The following BBS9 variants were observed in gnomAD, a reference collection of about 807,000 sequenced individuals.
BBS9 encodes Bardet-Biedl syndrome 9, also known as protein PTHB1.
In BBS9, 89 loss-of-function variants were observed where a neutral mutation model predicts 117.7. That is an observed-to-expected ratio of 0.76 (90% confidence interval 0.64 to 0.90). The LOEUF is 0.90. BBS9 is among the 40% of genes least tolerant of loss of function. BBS9 has a pLI of 0.00. For missense variants in BBS9, 982 were observed against 1,042.2 expected, an observed-to-expected ratio of 0.94 and a Z score of 0.80; for synonymous variants, 379 against 370.9, an observed-to-expected ratio of 1.02 and a Z score of -0.25.
chr7:33,270,561 T>C (rs1267089794), intron 7 of BBS9, among the ~76,000 whole-genome samples: 2 of 152,184 alleles, frequency 1.3e-5, no homozygotes, highest in African/African-American at 2.4e-5. Flanking sequence ...CAAGAATTCG[T>C]AATGTAATCA....
intron 19 of BBS9, among the ~76,000 whole-genome samples, chr7:33,467,957 C>T (rs1333561820): frequency 1.3e-5 from 2 of 152,086 alleles, no homozygotes; most frequent in Admixed American, 6.6e-5. Context: ...GGCAGAAGAT[C>T]ACATGGTCAC....
At chr7:33,189,016 A>C (rs1287544212) in intron 5 of BBS9, among the ~76,000 whole-genome samples, 2 of 151,868 alleles carry the variant, frequency 1.3e-5, no homozygotes, top group African/African-American at 2.4e-5. Flanking sequence ...TTTTACTTTT[A>C]TTTTATTTTA....
At chr7:33,192,538 A>G (rs1185367340) in intron 5 of BBS9, among the ~76,000 whole-genome samples, 1 of 152,164 alleles carries the variant, frequency 6.6e-6, no homozygotes, top group Non-Finnish European at 1.5e-5. Context: ...TATTCTTTCT[A>G]ACTTGCTTTT....
intron 20 of BBS9, among the ~76,000 whole-genome samples, chr7:33,516,169 G>A (rs1166778934): frequency 1.3e-5 from 2 of 152,126 alleles, no homozygotes; most frequent in African/African-American, 4.8e-5. Flanking sequence ...CCCTACTTCT[G>A]AGATGTGGGG....
At chr7:33,331,174 G>A (rs1188537432) in intron 9 of BBS9, among the ~76,000 whole-genome samples, 1 of 152,130 alleles carries the variant, frequency 6.6e-6, no homozygotes. Flanking sequence ...AAAATCATAT[G>A]ATTATTTCAA....
At chr7:33,230,819 A>G (rs1467005049) in intron 5 of BBS9, among the ~76,000 whole-genome samples, 5 of 152,186 alleles carry the variant, frequency 3.3e-5, no homozygotes, top group African/African-American at 1.2e-4. Flanking sequence ...CCACTCATTA[A>G]TTGATAGGGA....
chr7:33,216,120 A>G (rs191971383), intron 5 of BBS9, among the ~76,000 whole-genome samples: 8 of 152,340 alleles, frequency 5.3e-5, no homozygotes, highest in Admixed American at 5.2e-4. Flanking sequence ...TTACAAGGCA[A>G]TGCATATTTC....
At chr7:33,303,269 C>T (rs1350450134) in intron 9 of BBS9, among the ~76,000 whole-genome samples, 1 of 151,814 alleles carries the variant, frequency 6.6e-6, no homozygotes, top group Non-Finnish European at 1.5e-5. Context: ...TTCTGTAGTC[C>T]AATTGATCTA....
chr7:33,383,318 G>A (rs571545972), intron 17 of BBS9, among the ~76,000 whole-genome samples: 1 of 152,264 alleles, frequency 6.6e-6, no homozygotes, highest in African/African-American at 2.4e-5. Context: ...ATAACAAATT[G>A]TATTCTTGCA....
chr7:33,407,978 G>C (rs535768582), intron 19 of BBS9, among the ~76,000 whole-genome samples: 1 of 152,196 alleles, frequency 6.6e-6, no homozygotes, highest in East Asian at 1.9e-4. Context: ...TGTCAGACAG[G>C]GACATTTAAG....
intron 19 of BBS9, among the ~76,000 whole-genome samples, chr7:33,491,285 G>A (rs1843861068): frequency 6.6e-6 from 1 of 152,126 alleles, no homozygotes; most frequent in Admixed American, 6.5e-5. Flanking sequence ...AACTTTTGAG[G>A]ATAAAAAGCA....
At chr7:33,130,982 A>T (rs1175271325) in intron 1 of BBS9, among the ~76,000 whole-genome samples, 4 of 152,192 alleles carry the variant, frequency 2.6e-5, no homozygotes, top group Non-Finnish European at 5.9e-5. Context: ...CTTTTGAGGG[A>T]TGTAGTAAGT....
At chr7:33,295,157 T>TA (rs1454918627) in intron 9 of BBS9, among the ~76,000 whole-genome samples, 29 of 152,284 alleles carry the variant, frequency 1.9e-4, no homozygotes, top group African/African-American at 6.7e-4. Flanking sequence ...ATACGTATTC[T>TA]ACCTATTCAT....
At position 33,177,531 on chromosome 7, in the gene BBS9, G is replaced by A; in HGVS notation, c.382G>A (p.Glu128Lys). 6.2e-7 allele frequency: 1 copy of A among 1,612,836 alleles called. No individual in the cohort carries two copies. The highest frequency in any genetic ancestry group is 1.1e-5 in the South Asian group (1 of 91,032). The change falls in exon 5 of 23, where the codon GAA becomes AAA. Residue 128 changes from glutamate (E) to lysine (K), a missense_variant. Transcript: ENST00000242067. ...CCAATGTCAGATGAAATTGATGTAT[G>A]AACATAATCTTCAGAGAACAGCCTG... ...GNQCQMKLMY[E>K]HNLQRTACNM...
At chr7:33,212,592 A>C (rs538130729) in intron 5 of BBS9, among the ~76,000 whole-genome samples, 2 of 151,960 alleles carry the variant, frequency 1.3e-5, no homozygotes. Context: ...GTTTTCCTGG[A>C]TGGTCTTAAT....
chr7:33,303,517 T>TCCC (rs1204735274), intron 9 of BBS9, among the ~76,000 whole-genome samples: 2,200 of 65,688 alleles, frequency 0.033, 18 homozygotes, highest in Non-Finnish European at 0.05. Flanking sequence ...ACTGAAATGA[T>TCCC]CCCCTCCCCC....
At chr7:33,605,006 AG>A (rs749025816) in intron 22 of BBS9, 31 bp downstream of exon 22, 1 of 1,554,196 alleles carries the variant, frequency 6.4e-7, no homozygotes, top group East Asian at 2.2e-5. Context: ...CACAAGCGTT[AG>A]TTAAGTCAGA....
intron 5 of BBS9, among the ~76,000 whole-genome samples, chr7:33,233,300 A>G (rs1792844526): frequency 6.6e-6 from 1 of 151,758 alleles, no homozygotes. Flanking sequence ...TACCATTGCA[A>G]TTTTGAATGA....
intron 5 of BBS9, among the ~76,000 whole-genome samples, chr7:33,186,614 C>T (rs971932952): frequency 1.3e-5 from 2 of 152,078 alleles, no homozygotes; most frequent in Non-Finnish European, 2.9e-5. Context: ...CTGGTTGGTG[C>T]TTTGGTTTGT....
Sources: allele counts gnomAD v4.1 joint callset (sites outside exome capture counted in the v4.1 genomes callset), GRCh38; gene constraint gnomAD v4.1.1; transcripts MANE v1.5; gene names NCBI Gene and HGNC (gene_info 2026-07-23, HGNC 2026-07-21).